The following ABHD18 variants were observed in gnomAD, a reference collection of about 807,000 sequenced individuals.
The protein encoded by ABHD18 is cardiolipin-specific deacylase, mitochondrial.
ABHD18 carries 55 observed loss-of-function variants against 65.9 expected under a neutral mutation model. The ratio of observed to expected loss-of-function variants is 0.84; its 90% CI spans 0.67 to 1.05. The LOEUF is 1.05. ABHD18 is among the 50% of genes least tolerant of loss of function. ABHD18 has a pLI of 0.00. For missense variants in ABHD18, 533 were observed against 558.5 expected, an observed-to-expected ratio of 0.95 and a Z score of 0.46; for synonymous variants, 181 against 180.2, an observed-to-expected ratio of 1.00 and a Z score of -0.04.
chr4:127,988,000 A>G (rs560832388), intron 3 of ABHD18, among the ~76,000 whole-genome samples: 86 of 152,322 alleles, frequency 5.6e-4, no homozygotes, highest in Non-Finnish European at 1.1e-3. Context: ...TCAGTCATAT[A>G]ACAATGAGTA....
At chr4:128,029,555 G>A (rs187984620) in intron 11 of ABHD18, among the ~76,000 whole-genome samples, 3 of 152,214 alleles carry the variant, frequency 2.0e-5, no homozygotes, top group Non-Finnish European at 4.4e-5. Flanking sequence ...CGGGCCCAGT[G>A]GATCACGCCT....
intron 1 of ABHD18, among the ~76,000 whole-genome samples, chr4:127,979,656 C>T (rs531096058): frequency 1.2e-4 from 19 of 152,250 alleles, no homozygotes; most frequent in African/African-American, 4.3e-4. Flanking sequence ...TGGCTCACAC[C>T]TATAATCCCA....
chr4:128,017,952 C>T (rs1755800778), intron 8 of ABHD18, among the ~76,000 whole-genome samples: 1 of 152,148 alleles, frequency 6.6e-6, no homozygotes, highest in Non-Finnish European at 1.5e-5. Flanking sequence ...TTTGTCTTAA[C>T]CATTTCTCCT....
intron 7 of ABHD18, among the ~76,000 whole-genome samples, chr4:128,015,424 AAG>A (rs1455875965): frequency 3.3e-5 from 5 of 152,228 alleles, no homozygotes; most frequent in African/African-American, 1.2e-4. Context: ...CTTCTACTAA[AAG>A]AGCAATCTGG....
chr4:128,014,101 A>G (rs976993062), intron 7 of ABHD18, among the ~76,000 whole-genome samples: 13 of 148,408 alleles, frequency 8.8e-5, no homozygotes, highest in African/African-American at 3.2e-4. Flanking sequence ...CTCCTGCCTC[A>G]GCCTCCCGAG....
chr4:127,975,321 A>T (rs1304537999), intron 1 of ABHD18, among the ~76,000 whole-genome samples: 1 of 152,024 alleles, frequency 6.6e-6, no homozygotes, highest in Non-Finnish European at 1.5e-5. Context: ...CCATCCCCCC[A>T]GTACTGGGCA....
chr4:127,971,482 C>CTTT (rs1156788634), intron 1 of ABHD18, among the ~76,000 whole-genome samples: 7 of 51,928 alleles, frequency 1.3e-4, no homozygotes, highest in African/African-American at 3.0e-4. Context: ...CCAGAGTTGG[C>CTTT]TTTTTTTTTT....
At chr4:128,006,075 G>A (rs931510619) in intron 4 of ABHD18, among the ~76,000 whole-genome samples, 12 of 152,168 alleles carry the variant, frequency 7.9e-5, no homozygotes, top group African/African-American at 2.9e-4. Context: ...TGGCAGAGGA[G>A]TCACATGGCC....
rs1754587184 is a variant in ABHD18, at chr4:128,011,596, T to G, written c.443-77T>G. 6 of 1,110,754 alleles carry G rather than the reference T, an allele frequency of 5.4e-6. No homozygotes were observed. The Admixed American group carries it at 1.5e-4, about 27-fold the overall frequency. 68.8% of individuals were successfully genotyped at this position (1,110,754 alleles called of 1,614,324 possible). A position where few individuals can be genotyped will look rare whatever the true frequency, so the allele number is the denominator to read the frequency against. Reference sequence around the variant, plus strand: ...ATTTCAGTATTAAATTGTGTAAAATTTAACTATTTAATGTACTCTCAGACA... The same window carrying G: ...ATTTCAGTATTAAATTGTGTAAAATGTAACTATTTAATGTACTCTCAGACA... On this transcript the variant is annotated intron_variant, in intron 6 of 12. Transcript: ENST00000645843.
chr4:128,009,507 A>T (rs533399471), intron 6 of ABHD18: 1 of 181,874 alleles, frequency 5.5e-6, no homozygotes, highest in Non-Finnish European at 1.1e-5. Flanking sequence ...ATGCATTTAC[A>T]GTATCAGTTG....
At chr4:127,971,306 C>T (rs1433763953) in intron 1 of ABHD18, among the ~76,000 whole-genome samples, 1 of 150,366 alleles carries the variant, frequency 6.7e-6, no homozygotes, top group East Asian at 1.9e-4. Flanking sequence ...TGACATGCCA[C>T]TGTTCTATTG....
intron 12 of ABHD18, among the ~76,000 whole-genome samples, chr4:128,034,160 T>C (rs1365834219): frequency 6.6e-6 from 1 of 151,900 alleles, no homozygotes; most frequent in Non-Finnish European, 1.5e-5. Context: ...GGTTTCACCA[T>C]GTTGGCCAGG....
intron 1 of ABHD18, among the ~76,000 whole-genome samples, chr4:127,967,790 T>G (rs1745934107): frequency 6.6e-6 from 1 of 151,784 alleles, no homozygotes; most frequent in African/African-American, 2.4e-5. Context: ...TATATGTAAT[T>G]TTTTTTTATA....
At chr4:127,990,296 C>T (rs960894807) in intron 4 of ABHD18, among the ~76,000 whole-genome samples, 1 of 152,146 alleles carries the variant, frequency 6.6e-6, no homozygotes, top group Non-Finnish European at 1.5e-5. Flanking sequence ...AGCATGGTGG[C>T]TTATGCCTGT....
chr4:128,023,463 C>G (rs543423498), intron 10 of ABHD18, among the ~76,000 whole-genome samples: 1 of 143,928 alleles, frequency 6.9e-6, no homozygotes, highest in South Asian at 2.2e-4. Flanking sequence ...TGCCTGTAGT[C>G]CTAGCTACTC....
intron 6 of ABHD18, 42 bp from the exon 7 acceptor site, chr4:128,011,631 A>G (rs960716701): frequency 6.1e-6 from 9 of 1,487,422 alleles, no homozygotes; most frequent in Non-Finnish European, 8.2e-6. Flanking sequence ...AAACAAAATT[A>G]TTTAATTATT....
intron 1 of ABHD18, among the ~76,000 whole-genome samples, chr4:127,970,453 G>A (rs1416545011): frequency 1.3e-5 from 2 of 151,680 alleles, no homozygotes; most frequent in African/African-American, 4.8e-5. Flanking sequence ...TTAGCCAGGC[G>A]TGGTGGTGCA....
In ABHD18 at chr4:127,965,425, C is replaced by G. The variant is rs1744949065; in HGVS notation, c.-199C>G. 13 of 555,172 alleles carry G rather than the reference C, an allele frequency of 2.3e-5. No individual in the cohort carries two copies. The highest frequency in any genetic ancestry group is 2.2e-4 in the South Asian group (11 of 49,296). The allele number at this position is 555,172 out of a possible 1,614,324, so 34.4% of individuals were successfully genotyped here. A position where few individuals can be genotyped will look rare whatever the true frequency, so the allele number is the denominator to read the frequency against. On this transcript the variant is annotated 5_prime_UTR_variant, in exon 1 of 13. Transcript: ENST00000645843. ...GTGTCCAAACTGCCGCGCCGCCCTG[C>G]TCCGGGTTTGTCTTCCTCCCTCCGT...
chr4:128,007,777 C>A (rs1460812869), intron 4 of ABHD18, among the ~76,000 whole-genome samples: 2 of 151,138 alleles, frequency 1.3e-5, no homozygotes, highest in African/African-American at 2.4e-5. Context: ...AGAAAACTAT[C>A]TGTGCGTTTG....
Sources: gnomAD v4.1 joint callset for allele counts (sites outside exome capture counted in the v4.1 genomes callset) on GRCh38, gnomAD v4.1.1 for gene constraint, MANE v1.5 for transcripts, NCBI Gene and HGNC (gene_info 2026-07-23, HGNC 2026-07-21) for gene names.